MROH7: variants seen among roughly 807,000 people sequenced by gnomAD.
MROH7 encodes the protein maestro heat-like repeat-containing protein family member 7.
MROH7 carries 113 observed loss-of-function variants against 129.2 expected under a neutral mutation model. That is an observed-to-expected ratio of 0.87 (90% CI 0.75 to 1.02). The LOEUF is 1.02. Ranked by LOEUF, MROH7 falls within the 50% of genes least tolerant of loss-of-function variation. MROH7 has a pLI of 0.00. For missense variants in MROH7, 1,601 were observed against 1,671.3 expected, an observed-to-expected ratio of 0.96 and a Z score of 0.73; for synonymous variants, 655 against 667.9, an observed-to-expected ratio of 0.98 and a Z score of 0.30.
At chr1:54,692,806 A>G (rs1290123004) in intron 16 of MROH7, among the ~76,000 whole-genome samples, 1 of 152,242 alleles carries the variant, frequency 6.6e-6, no homozygotes, top group Admixed American at 6.5e-5. Context: ...ACAAAGCACC[A>G]TTCCTTAGTG....
intron 4 of MROH7, among the ~76,000 whole-genome samples, chr1:54,667,229 G>C (rs918777652): frequency 1.3e-5 from 2 of 152,120 alleles, no homozygotes; most frequent in Non-Finnish European, 2.9e-5. Flanking sequence ...GGTCTTCTCT[G>C]ACCATTTGGA....
intron 16 of MROH7, 42 bp from the exon 17 acceptor site, chr1:54,695,334 G>A (rs759873487): frequency 6.0e-6 from 7 of 1,174,682 alleles, no homozygotes; most frequent in South Asian, 3.9e-5. Flanking sequence ...GTCCCCCTGG[G>A]GCTGGATACC....
At position 54,700,413 on chromosome 1, in the gene MROH7, G is replaced by T. The variant is rs1645416214; in HGVS notation, c.3057G>T (p.Lys1019Asn). ...TGAGCCACCACGACCCCATCATGAA[G>T]GTGCTGTCCATTCGAGGCCTGGTCA... ...EGLSHHDPIM[K>N]VLSIRGLVIL... Residue 1019 changes from lysine (K) to asparagine (N), a missense_variant, in exon 18 of 24, where the codon AAG (lysine) becomes AAT (asparagine). Transcript: ENST00000421030. 1 of 1,612,908 alleles carries T rather than the reference G, an allele frequency of 6.2e-7. No individual in the cohort carries two copies. Among genetic ancestry groups the T allele is most frequent in the South Asian group, 1.1e-5 (1 of 90,856 alleles).
intron 17 of MROH7, chr1:54,697,392 A>G (rs1645340462): frequency 2.6e-6 from 1 of 379,736 alleles, no homozygotes; most frequent in Non-Finnish European, 4.7e-6. Flanking sequence ...GAGGGCCCCA[A>G]GAAGTGGGGA....
At chr1:54,701,452 A>C (rs1008039878) in intron 19 of MROH7, 130 bp downstream of exon 19, 4 of 690,760 alleles carry the variant, frequency 5.8e-6, no homozygotes, top group Admixed American at 6.8e-5. Flanking sequence ...TGGGAGAGGA[A>C]CTTTGTCCCA....
intron 17 of MROH7, chr1:54,699,095 TTTC>T (rs1645371747): frequency 3.9e-5 from 1 of 25,690 alleles, no homozygotes. Flanking sequence ...TGCCTGGCCT[TTTC>T]TTTCTTTCTT....
chr1:54,702,964 G>A (rs1404830952), intron 21 of MROH7, among the ~76,000 whole-genome samples: 1 of 152,082 alleles, frequency 6.6e-6, no homozygotes, highest in Non-Finnish European at 1.5e-5. Context: ...ATGATCACGG[G>A]CACTTCAAGC....
At chr1:54,663,184 TC>T (rs1245800741) in intron 3 of MROH7, among the ~76,000 whole-genome samples, 3 of 152,130 alleles carry the variant, frequency 2.0e-5, no homozygotes, top group African/African-American at 7.2e-5. Context: ...CATCAAACTT[TC>T]CATTTATTTA....
At chr1:54,674,905 A>G (rs980580681) in intron 10 of MROH7, among the ~76,000 whole-genome samples, 3 of 152,158 alleles carry the variant, frequency 2.0e-5, no homozygotes, top group Non-Finnish European at 4.4e-5. Flanking sequence ...TAGTGGTGTG[A>G]CCTCAGGTAA....
intron 19 of MROH7, 150 bp downstream of exon 19, chr1:54,701,472 C>T (rs1645435542): frequency 1.7e-6 from 1 of 604,068 alleles, no homozygotes; most frequent in African/African-American, 1.9e-5. Flanking sequence ...AGCTGGTCCA[C>T]ATCTTTTTGT....
Position 54,661,680 on chromosome 1 carries a change from C to T in MROH7, c.1232-3487C>T, listed in dbSNP as rs185320168. ...GAGCAATCTTGGCTCACTATAACCT[C>T]TGCCTCCTGGGTTCAAGTGATTTTC... On this transcript the variant is annotated intron_variant, in intron 3 of 23. Coordinates refer to ENST00000421030, the MANE Select transcript of MROH7 (RefSeq NM_001039464.4). Among the ~76,000 whole-genome samples, 194 of 152,136 alleles carry T rather than the reference C, an allele frequency of 1.3e-3. 3 individuals carry two copies. Among genetic ancestry groups the T allele is most frequent in the South Asian group, 7.5e-3 (36 of 4,830 alleles).
chr1:54,695,330 C>G (rs1406714496), intron 16 of MROH7, 46 bp from the exon 17 acceptor site: 3 of 1,120,678 alleles, frequency 2.7e-6, no homozygotes, highest in Admixed American at 3.9e-5. Flanking sequence ...ACAGGTCCCC[C>G]TGGGGCTGGA....
chr1:54,685,660 C>A (rs566386026), intron 14 of MROH7, among the ~76,000 whole-genome samples: 116 of 152,194 alleles, frequency 7.6e-4, no homozygotes, highest in African/African-American at 2.6e-3. Context: ...CCCTTGGGGG[C>A]AGAGCTGGCA....
intron 22 of MROH7, among the ~76,000 whole-genome samples, chr1:54,707,724 G>A (rs1645558084): frequency 6.6e-6 from 1 of 152,118 alleles, no homozygotes. Flanking sequence ...AGTGAGTAGA[G>A]CCTTGATCTG....
At chr1:54,647,009 G>T (rs546661138) in intron 1 of MROH7, among the ~76,000 whole-genome samples, 3 of 152,098 alleles carry the variant, frequency 2.0e-5, no homozygotes, top group African/African-American at 7.2e-5. Flanking sequence ...TCCACTGTAC[G>T]GACATACCAT....
chr1:54,673,581 G>A lies in MROH7; in HGVS notation c.1696-120G>A, dbSNP rs546419207. 76 of 721,942 alleles carry A rather than the reference G, an allele frequency of 1.1e-4. 1 individual carries two copies. In the South Asian group the frequency reaches 1.2e-3, roughly 11 times the overall value. The allele number at this position is 721,942 out of a possible 1,614,324, so 44.7% of individuals were successfully genotyped here. On this transcript the variant is annotated intron_variant, in intron 8 of 23. Coordinates refer to ENST00000421030, the MANE Select transcript of MROH7 (RefSeq NM_001039464.4). ...ATACCCCAAGAAGAGGAGGAGGGCT[G>A]TGGTGACCTTTATACCCTCTCTGGA... is the stretch of plus-strand genomic sequence containing the variant.
intron 7 of MROH7, among the ~76,000 whole-genome samples, chr1:54,671,470 A>T (rs991679687): frequency 1.3e-5 from 2 of 152,212 alleles, no homozygotes; most frequent in Non-Finnish European, 2.9e-5. Flanking sequence ...ATGTGGGCAG[A>T]TGACGGTATG....
chr1:54,651,865 T>C (rs989851049), intron 1 of MROH7, 84 bp from the exon 2 acceptor site: 2 of 148,472 alleles, frequency 1.3e-5, no homozygotes, highest in Non-Finnish European at 3.0e-5. Flanking sequence ...TTAACAGACG[T>C]GCATGCCTGG....
At chr1:54,693,027 G>T (rs1035131537) in intron 16 of MROH7, among the ~76,000 whole-genome samples, 2 of 152,124 alleles carry the variant, frequency 1.3e-5, no homozygotes, top group African/African-American at 4.8e-5. Context: ...TTGGGGTGAG[G>T]ATTAATTAAA....
Sources: gnomAD v4.1 joint callset for allele counts (sites outside exome capture counted in the v4.1 genomes callset) on GRCh38, gnomAD v4.1.1 for gene constraint, MANE v1.5 for transcripts, NCBI Gene and HGNC (gene_info 2026-07-23, HGNC 2026-07-21) for gene names.